Variants in NBPF12 observed in about 807,000 individuals in gnomAD.
The protein encoded by NBPF12 is NBPF member 12, also known as NBPF family member NBPF12.
Under a neutral mutation model 146.4 loss-of-function variants are expected in NBPF12, and 115 were observed. The ratio of observed to expected loss-of-function variants is 0.79; its 90% CI spans 0.68 to 0.92. The LOEUF (loss-of-function observed/expected upper bound fraction) is 0.92. Ranked by LOEUF, NBPF12 falls within the 40% of genes least tolerant of loss-of-function variation. The probability of loss-of-function intolerance (pLI) is 0.00; values close to 1 mark genes in which losing one functional copy is unlikely to be tolerated. For synonymous variants in NBPF12, 385 were observed against 508.9 expected, an observed-to-expected ratio of 0.76 and a Z score of 3.28; for missense variants, 1,205 against 1,326.8, an observed-to-expected ratio of 0.91 and a Z score of 1.43.
rs1332395462 is a variant in NBPF12 at position 146,973,080 on chromosome 1, G to A, written c.1801+120G>A. ...TCCTCCCCATACTTCTAGGAAAACA[G>A]AAATGGGTATTTTAACATTTTGTTA... is the stretch of plus-strand genomic sequence containing the variant. On this transcript the variant is annotated intron_variant, in intron 14 of 33. Coordinates refer to ENST00000617844, the Ensembl canonical transcript of NBPF12. 25 of 642,746 alleles carry A rather than the reference G, an allele frequency of 3.9e-5. No individual in the cohort carries two copies. The African/African-American group carries it at 4.3e-4, about 11-fold the overall frequency. The allele number at this position is 642,746 out of a possible 1,614,324, so 39.8% of individuals were successfully genotyped here. A position where few individuals can be genotyped will look rare whatever the true frequency, so the allele number is the denominator to read the frequency against.
chr1:146,994,257 A>T (rs1658382014), intron 33 of NBPF12, 75 bp from the exon 37 acceptor site: 9 of 1,610,304 alleles, frequency 5.6e-6, no homozygotes, highest in South Asian at 2.2e-5. Context: ...TCCTTATGTT[A>T]CTTCTGAAAT....
chr1:146,963,279 G>C (rs1229196601), exon 6 of NBPF12: 5 of 1,611,854 alleles, frequency 3.1e-6, no homozygotes, highest in African/African-American at 1.3e-5. Context: ...GTGTAGACTG[G>C]CACAGCAACT....
At chr1:146,950,624 TTTGCGTATGGCTCCTA>T (rs1338349735) in intron 1 of NBPF12, among the ~76,000 whole-genome samples, 3 of 152,080 alleles carry the variant, frequency 2.0e-5, no homozygotes, top group Non-Finnish European at 4.4e-5. Context: ...CTCACACTCT[TTTGCGTATGGCTCCTA>T]TTGCACTCAA....
intron 10 of NBPF12, among the ~76,000 whole-genome samples, chr1:146,969,048 A>G (rs1301410180): frequency 1.3e-5 from 2 of 151,318 alleles, no homozygotes; most frequent in East Asian, 1.9e-4. Flanking sequence ...AAGATGCACT[A>G]TGTGTATTTT....
chr1:146,985,857 G>C, intron 23 of NBPF12, 101 bp downstream of exon 26: 1 of 733,008 alleles, frequency 1.4e-6, no homozygotes, highest in South Asian at 1.6e-5. Context: ...TTTCAACGAA[G>C]GTTGAATTAC....
chr1:146,957,438 A>G lies in NBPF12; in HGVS notation c.-183-2421A>G, dbSNP rs1222294685. 8 of 178,408 alleles carry G rather than the reference A, an allele frequency of 4.5e-5. 2 individuals are homozygous for G. Among genetic ancestry groups the G allele is most frequent in the Non-Finnish European group, 7.3e-5 (6 of 82,520 alleles). 11.1% of individuals were successfully genotyped at this position (178,408 alleles called of 1,614,324 possible). A position where few individuals can be genotyped will look rare whatever the true frequency, so the allele number is the denominator to read the frequency against. On this transcript the variant is annotated intron_variant, in intron 2 of 33. Coordinates refer to ENST00000617844, the Ensembl canonical transcript of NBPF12. ...TACAAAGATCCGTGGTCAATTCCCCATCCTGCAGCAGTGAGTCCAGGACCA... is the reference window on the plus strand; with the variant it reads ...TACAAAGATCCGTGGTCAATTCCCCGTCCTGCAGCAGTGAGTCCAGGACCA...
At chr1:146,982,742 T>A (rs1657474503) in intron 19 of NBPF12, among the ~76,000 whole-genome samples, 186 bp from the exon 23 acceptor site, 1 of 151,446 alleles carries the variant, frequency 6.6e-6, no homozygotes, top group Non-Finnish European at 1.5e-5. Flanking sequence ...CCATTTTTGC[T>A]CTGTCCCCAG....
rs1383314369 is a variant in NBPF12 at position 146,966,614 on chromosome 1, AAG to A, written c.933_934del (p.Lys312MetfsTer20). 2.0e-6 allele frequency: 3 copies of A among 1,504,286 alleles called. No individual in the cohort carries two copies. The highest frequency in any genetic ancestry group is 2.3e-5 in the East Asian group (1 of 44,406). 93.2% of individuals were successfully genotyped at this position (1,504,286 alleles called of 1,614,324 possible). On this transcript the variant is annotated frameshift_variant, in exon 9 of 34. Transcript: ENST00000617844. LOFTEE classifies it high-confidence loss of function. ...AAGAAACAGCAGTTCAGAAGCCTCA[AAG>A]AGAAATGTTTTGTAACTCAACTGGC...
intron 1 of NBPF12, among the ~76,000 whole-genome samples, chr1:146,940,059 A>T (rs1570804726): frequency 6.6e-6 from 1 of 151,922 alleles, no homozygotes; most frequent in East Asian, 1.9e-4. Flanking sequence ...TTCTTTGCCG[A>T]AAGAATGAAT....
intron 14 of NBPF12, among the ~76,000 whole-genome samples, chr1:146,973,803 A>C (rs1290482844): frequency 6.9e-6 from 1 of 144,982 alleles, no homozygotes; most frequent in Non-Finnish European, 1.5e-5. Context: ...TAATAATGAG[A>C]AATAAAAATA....
At chr1:146,939,365 C>T (rs1387730208) in intron 1 of NBPF12, among the ~76,000 whole-genome samples, 3 of 152,054 alleles carry the variant, frequency 2.0e-5, no homozygotes, top group Admixed American at 2.0e-4. Context: ...GCTCGCGCCC[C>T]TGACTTGCAA....
chr1:146,941,048 C>T (rs1222429201), intron 1 of NBPF12, among the ~76,000 whole-genome samples: 5 of 152,120 alleles, frequency 3.3e-5, no homozygotes, highest in African/African-American at 1.2e-4. Context: ...TGCGTTTTCA[C>T]TCTTTTAATG....
At chr1:146,964,085 C>T (rs1256496150) in intron 6 of NBPF12, among the ~76,000 whole-genome samples, 1 of 136,808 alleles carries the variant, frequency 7.3e-6, no homozygotes, top group African/African-American at 2.8e-5. Context: ...CTGCCAAAGT[C>T]CAGAGAGAGG....
chr1:146,965,791 C>CAAAAAAAAAAAAAAAAAAAAAAAA (rs1162462110), intron 8 of NBPF12, among the ~76,000 whole-genome samples: 1 of 30,054 alleles, frequency 3.3e-5, no homozygotes, highest in Non-Finnish European at 5.6e-5. Context: ...GACTGCATCT[C>CAAAAAAAAAAAAAAAAAAAAAAAA]AAAAAAAAAA....
chr1:146,994,701 A>C lies in NBPF12; in HGVS notation c.*126A>C. 3.4e-6 allele frequency: 5 copies of C among 1,473,028 alleles called. No homozygotes were observed. The East Asian group carries it at 9.2e-5, about 27-fold the overall frequency. The allele number at this position is 1,473,028 out of a possible 1,614,324, so 91.2% of individuals were successfully genotyped here. On this transcript the variant is annotated 3_prime_UTR_variant, in exon 34 of 34. Coordinates refer to ENST00000617844, the Ensembl canonical transcript of NBPF12. ...AGGATGGGTCAGTGGGCATGGCTCT[A>C]TTCCTATTCTCAGAGCATGCCAGTG...
At chr1:146,960,852 G>A (rs1277352144) in intron 4 of NBPF12, among the ~76,000 whole-genome samples, 4 of 152,046 alleles carry the variant, frequency 2.6e-5, no homozygotes, top group Admixed American at 2.6e-4. Flanking sequence ...ACAGCATCAA[G>A]AGCAGGGAGT....
chr1:146,954,905 G>C (rs1199184099), intron 2 of NBPF12, among the ~76,000 whole-genome samples: 2 of 94,430 alleles, frequency 2.1e-5, no homozygotes, highest in Admixed American at 1.3e-4. Flanking sequence ...ACAAACGTGT[G>C]TGTGTGTGTG....
At chr1:146,991,595 T>C (rs1342740453) in intron 30 of NBPF12, among the ~76,000 whole-genome samples, 5 of 152,202 alleles carry the variant, frequency 3.3e-5, no homozygotes, top group African/African-American at 1.2e-4. Flanking sequence ...GTTTGTAGAT[T>C]TCCTCCTTCA....
At chr1:146,939,302 T>C (rs1308374689) in intron 1 of NBPF12, among the ~76,000 whole-genome samples, 32 of 152,130 alleles carry the variant, frequency 2.1e-4, no homozygotes, top group African/African-American at 7.7e-4. Flanking sequence ...TGGAGCACAC[T>C]GACTTCGCAC....
Sources: allele counts gnomAD v4.1 joint callset (sites outside exome capture counted in the v4.1 genomes callset), GRCh38; gene constraint gnomAD v4.1.1; transcripts MANE v1.5; gene names NCBI Gene and HGNC (gene_info 2026-07-23, HGNC 2026-07-21).